ACTN1: variants seen among roughly 807,000 people sequenced by gnomAD.
The protein encoded by ACTN1 is alpha-actinin-1.
ACTN1 carries 30 observed loss-of-function variants against 119.6 expected under a neutral mutation model. That is an observed-to-expected ratio of 0.25 (90% confidence interval 0.19 to 0.34). ACTN1 has a LOEUF of 0.34. ACTN1 is among the 10% of genes least tolerant of loss of function. ACTN1 has a pLI of 1.00. For missense variants in ACTN1, 764 were observed against 1,223.4 expected, an observed-to-expected ratio of 0.62 and a Z score of 5.60; for synonymous variants, 429 against 472.6, an observed-to-expected ratio of 0.91 and a Z score of 1.20.
rs760341800 is a variant in ACTN1 at position 68,882,467 on chromosome 14, G to A, written c.1944C>T (p.Thr648=). The A allele has an allele frequency of 5.0e-6, 8 of 1,614,012 alleles. No individual in the cohort carries two copies. The highest frequency in any genetic ancestry group is 4.4e-5 in the South Asian group (4 of 91,086). ...CCAGCATGGGACCCACCTCCATCTTGGTCTGGATCCAGGGCCCGATGACAT... is the reference window on the plus strand; with the variant it reads ...CCAGCATGGGACCCACCTCCATCTTAGTCTGGATCCAGGGCCCGATGACAT... ...QANVIGPWIQ[T]KMEEIGRISI... is the part of the protein sequence containing the mutation. Residue 648 remains threonine (T), a synonymous_variant, in exon 16 of 22, where the codon ACC becomes ACT. Coordinates refer to ENST00000394419, the MANE Select transcript of ACTN1 (RefSeq NM_001130004.2). This position sits in a 1 kb window ranked among gnomAD's most constrained non-coding sequence, Gnocchi z 4.5.
At chr14:68,883,202 G>C (rs2031717404) in intron 14 of ACTN1, 147 bp from the exon 15 acceptor site, 1 of 832,714 alleles carries the variant, frequency 1.2e-6, no homozygotes, top group East Asian at 2.5e-5. Context: ...CAGGATGGCA[G>C]GTATGGCCAC....
chr14:68,955,092 T>G (rs2036310205), intron 1 of ACTN1, among the ~76,000 whole-genome samples: 1 of 152,198 alleles, frequency 6.6e-6, no homozygotes. Context: ...TCCCTCTATT[T>G]CTGAGCTTCC....
At chr14:68,904,601 G>A (rs369308190) in intron 7 of ACTN1, 54 bp downstream of exon 7, 61 of 1,548,412 alleles carry the variant, frequency 3.9e-5, no homozygotes, top group Admixed American at 2.3e-4. Flanking sequence ...CTTCTTAGCC[G>A]CTGAGTGGCA....
chr14:68,949,973 A>G (rs2036075577), intron 1 of ACTN1, among the ~76,000 whole-genome samples: 1 of 152,216 alleles, frequency 6.6e-6, no homozygotes, highest in Non-Finnish European at 1.5e-5. Context: ...TCATGGGTAC[A>G]GAGTTTCAGT....
chr14:68,944,565 T>A (rs1314069612), intron 1 of ACTN1, among the ~76,000 whole-genome samples: 1 of 152,192 alleles, frequency 6.6e-6, no homozygotes, highest in Non-Finnish European at 1.5e-5. Flanking sequence ...AGCAAAGATT[T>A]TATCAATGCG....
chr14:68,906,561 G>A (rs1401743898), intron 6 of ACTN1, among the ~76,000 whole-genome samples: 3 of 152,210 alleles, frequency 2.0e-5, no homozygotes, highest in Non-Finnish European at 4.4e-5. Flanking sequence ...TTCTCATCCA[G>A]GGCCTGGAGC....
chr14:68,953,885 CAAAAAAA>C lies in ACTN1; in HGVS notation c.105+25060_105+25066del, dbSNP rs756178152. Among the ~76,000 whole-genome samples, 8 of 101,876 alleles carry C rather than the reference CAAAAAAA, an allele frequency of 7.9e-5. 1 individual carries two copies. The highest frequency in any genetic ancestry group is 2.9e-4 in the African/African-American group (8 of 27,738). The allele number at this position is 101,876 out of a possible 152,430, so 66.8% of individuals were successfully genotyped here. Reference sequence around the variant, plus strand: ...TGGGCGACACAGCAAGACTCTGTCTCAAAAAAAAAAAAAAGAAAAGGGACAAGTGATA... The same window carrying C: ...TGGGCGACACAGCAAGACTCTGTCTCAAAAAAAGAAAAGGGACAAGTGATA... On this transcript the variant is annotated intron_variant, in intron 1 of 21. Coordinates refer to ENST00000394419, the MANE Select transcript of ACTN1 (RefSeq NM_001130004.2).
intron 1 of ACTN1, among the ~76,000 whole-genome samples, chr14:68,941,678 A>G (rs2035765068): frequency 6.6e-6 from 1 of 152,214 alleles, no homozygotes; most frequent in African/African-American, 2.4e-5. Context: ...GTTCATTACT[A>G]AAGTACAAGA....
At position 68,912,672 on chromosome 14, in the gene ACTN1, T is replaced by C. The variant is rs191900139; in HGVS notation, c.341-430A>G. Reference sequence around the variant, plus strand: ...AATTACAGGCATGAGCTACCATGCCTGGCCTGGATGTTTCTTAAAGTTAAT... The same window carrying C: ...AATTACAGGCATGAGCTACCATGCCCGGCCTGGATGTTTCTTAAAGTTAAT... On this transcript the variant is annotated intron_variant, in intron 3 of 21. Transcript: ENST00000394419. Among the ~76,000 whole-genome samples the C allele has an allele frequency of 8.5e-4, 129 of 152,296 alleles. 1 individual carries two copies. Among genetic ancestry groups the C allele is most frequent in the African/African-American group, 3.1e-3 (128 of 41,568 alleles).
intron 1 of ACTN1, among the ~76,000 whole-genome samples, chr14:68,934,644 G>GT (rs1408712463): frequency 1.3e-5 from 2 of 152,206 alleles, no homozygotes; most frequent in Non-Finnish European, 2.9e-5. Flanking sequence ...AGCAAAGGCT[G>GT]TAAGCATACA....
intron 8 of ACTN1, among the ~76,000 whole-genome samples, chr14:68,899,480 A>C: frequency 1.5e-5 from 2 of 136,076 alleles, no homozygotes; most frequent in African/African-American, 2.9e-5. Flanking sequence ...CACACACCAC[A>C]CTCCCCATAC....
intron 21 of ACTN1, among the ~76,000 whole-genome samples, chr14:68,875,679 G>A (rs548719986): frequency 4.6e-5 from 7 of 152,302 alleles, no homozygotes; most frequent in Admixed American, 2.0e-4. Flanking sequence ...CAAGGTAGTC[G>A]CCCTGCACCA....
At chr14:68,875,797 C>A (rs140100587) in intron 21 of ACTN1, among the ~76,000 whole-genome samples, 62 of 152,336 alleles carry the variant, frequency 4.1e-4, no homozygotes, top group African/African-American at 1.4e-3. Flanking sequence ...CCCTAGTTTT[C>A]CTCCTCTACA....
intron 1 of ACTN1, among the ~76,000 whole-genome samples, chr14:68,970,502 G>A (rs916124005): frequency 9.9e-5 from 15 of 152,198 alleles, no homozygotes; most frequent in Admixed American, 3.9e-4. Context: ...TTTGGTTCCC[G>A]TGGTGACCAC....
In ACTN1 at chr14:68,878,832, C is replaced by A; in HGVS notation, c.2361+157G>T. 3.8e-6 allele frequency: 6 copies of A among 1,594,342 alleles called. No individual in the cohort carries two copies. The highest frequency in any genetic ancestry group is 5.1e-6 in the Non-Finnish European group (6 of 1,177,714). On this transcript the variant is annotated intron_variant, in intron 19 of 21. Transcript: ENST00000394419. This position sits in a 1 kb window ranked among gnomAD's most constrained non-coding sequence, Gnocchi z 4.4. ...AGACAGCAGAGGGCAGAGGGTGGAC[C>A]AGTGATGGGGCAGACAGAGACAGCA...
chr14:68,882,613 C>T lies in ACTN1; in HGVS notation c.1819-21G>A, dbSNP rs1281015781. The T allele has an allele frequency of 1.6e-5, 26 of 1,613,288 alleles. No individual in the cohort carries two copies. The highest frequency in any genetic ancestry group is 1.9e-5 in the Non-Finnish European group (22 of 1,179,576). ...CGCACCTGGGGCAGGAACAACAAGG[C>T]GACTTTCAGGATGGGTCAGCCATCT... On this transcript the variant is annotated intron_variant, in intron 15 of 21. Coordinates refer to ENST00000394419, the MANE Select transcript of ACTN1 (RefSeq NM_001130004.2). This position sits in a 1 kb window ranked among gnomAD's most constrained non-coding sequence, Gnocchi z 4.5.
intron 3 of ACTN1, among the ~76,000 whole-genome samples, chr14:68,914,197 T>TA (rs1313506609): frequency 3.9e-5 from 6 of 152,006 alleles, no homozygotes; most frequent in Admixed American, 1.3e-4. Context: ...AGACCCTCTC[T>TA]AAAAAAATGA....
intron 1 of ACTN1, among the ~76,000 whole-genome samples, chr14:68,973,509 G>C (rs1338934769): frequency 6.6e-6 from 1 of 152,202 alleles, no homozygotes; most frequent in Non-Finnish European, 1.5e-5. Context: ...TAAGTTTCCT[G>C]AGGCCTCCAT....
Position 68,880,118 on chromosome 14 carries a change from G to A in ACTN1, c.2134-10C>T, listed in dbSNP as rs200504758. The A allele has an allele frequency of 3.0e-4, 476 of 1,612,704 alleles. 3 individuals carry two copies. The African/African-American group carries it at 5.1e-3, about 17-fold the overall frequency. ...AGCCCACACGGATGTGCTGCAGGAC[G>A]GCAAGGGGCCTGTCAGCAAAGGGGT... On this transcript the variant is annotated splice_polypyrimidine_tract_variant and intron_variant, in intron 17 of 21. Transcript: ENST00000394419. The surrounding 1 kb of genome is among the most constrained non-coding windows in gnomAD (Gnocchi z 4.6).
Sources: allele counts gnomAD v4.1 joint callset (sites outside exome capture counted in the v4.1 genomes callset), GRCh38; gene constraint gnomAD v4.1.1; non-coding constraint Gnocchi (gnomAD v3.1); transcripts MANE v1.5; gene names NCBI Gene and HGNC (gene_info 2026-07-23, HGNC 2026-07-21).